MSH4: variants seen among roughly 807,000 people sequenced by gnomAD.
MSH4 encodes mutS protein homolog 4.
MSH4 carries 106 observed loss-of-function variants against 113.7 expected under a neutral mutation model. The ratio of observed to expected loss-of-function variants is 0.93; its 90% CI spans 0.80 to 1.10. The LOEUF is 1.10. MSH4 is among the 50% of genes least tolerant of loss of function. MSH4 has a pLI of 0.00. For missense variants in MSH4, 1,061 were observed against 1,093.7 expected, an observed-to-expected ratio of 0.97 and a Z score of 0.42; for synonymous variants, 368 against 380.2, an observed-to-expected ratio of 0.97 and a Z score of 0.37.
Position 75,880,171 on chromosome 1 carries a change from A to G in MSH4, c.1781+18A>G. ...ACTTATATGTAAGAGCATTTGAAGT[A>G]TTTGAATATTGAATTAAATTGGTTT... On this transcript the variant is annotated intron_variant, in intron 13 of 19. Transcript: ENST00000263187. 1 of 1,291,282 alleles carries G rather than the reference A, an allele frequency of 7.7e-7. No individual in the cohort carries two copies. The highest frequency in any genetic ancestry group is 1.1e-6 in the Non-Finnish European group (1 of 918,922). The allele number at this position is 1,291,282 out of a possible 1,614,324, so 80.0% of individuals were successfully genotyped here. A position where few individuals can be genotyped will look rare whatever the true frequency, so the allele number is the denominator to read the frequency against.
chr1:75,827,363 G>A lies in MSH4; in HGVS notation c.1162+4782G>A, dbSNP rs1048693412. ...CATTAAATATGGAAAGGAAAAACCA[G>A]TACCAGCCACTGTAAAAATACACCA... On this transcript the variant is annotated intron_variant, in intron 7 of 19. Coordinates refer to ENST00000263187, the MANE Select transcript of MSH4 (RefSeq NM_002440.4). Among the ~76,000 whole-genome samples the A allele has an allele frequency of 2.3e-4, 35 of 152,080 alleles. 1 individual carries two copies. Among genetic ancestry groups the A allele is most frequent in the Admixed American group, 3.9e-4 (6 of 15,252 alleles).
chr1:75,888,375 A>G (rs967218870), intron 15 of MSH4, among the ~76,000 whole-genome samples: 1 of 151,948 alleles, frequency 6.6e-6, no homozygotes, highest in Admixed American at 6.6e-5. Context: ...CATTAATCAG[A>G]TTGATTTGTT....
At chr1:75,885,051 G>A (rs1227845329) in intron 15 of MSH4, among the ~76,000 whole-genome samples, 8,332 of 112,454 alleles carry the variant, frequency 0.074, 496 homozygotes, top group East Asian at 0.23. Flanking sequence ...GTGTGTGTGT[G>A]TGTGTGTGTA....
At chr1:75,910,142 T>C (rs1397822109) in intron 19 of MSH4, among the ~76,000 whole-genome samples, 3 of 152,160 alleles carry the variant, frequency 2.0e-5, no homozygotes, top group African/African-American at 7.2e-5. Context: ...TGCAAACTTA[T>C]CAAAAGTAAC....
chr1:75,889,317 C>T lies in MSH4; in HGVS notation c.2174C>T (p.Thr725Ile). ...IAKQIFTRISTDDDIETNSST... is the reference protein window; with the variant it reads ...IAKQIFTRISIDDDIETNSST... ...AAACAGATTTTTACAAGAATTAGTA[C>T]TGATGATGATATCGAAACAAATTCA... Residue 725 changes from threonine (T) to isoleucine (I), a missense_variant, in exon 16 of 20, where the codon ACT (threonine) becomes ATT (isoleucine). Thr to Ile is a moderately conservative substitution (Grantham distance 89). Transcript: ENST00000263187. 1 of 1,540,258 alleles carries T rather than the reference C, an allele frequency of 6.5e-7. No individual in the cohort carries two copies.
intron 7 of MSH4, among the ~76,000 whole-genome samples, chr1:75,832,772 GATGGAACGT>G (rs147022586): frequency 0.27 from 41,358 of 151,464 alleles, 5,742 homozygotes; most frequent in Middle Eastern, 0.36. Flanking sequence ...ACTAGATATT[GATGGAACGT>G]ATCTCAAAAT....
At chr1:75,905,515 T>C (rs1409030771) in intron 19 of MSH4, among the ~76,000 whole-genome samples, 1 of 152,186 alleles carries the variant, frequency 6.6e-6, no homozygotes, top group African/African-American at 2.4e-5. Context: ...GAAGAATTTG[T>C]ATTCTGCAGC....
intron 19 of MSH4, among the ~76,000 whole-genome samples, chr1:75,903,999 G>C (rs895906944): frequency 1.3e-5 from 2 of 152,040 alleles, no homozygotes; most frequent in African/African-American, 2.4e-5. Context: ...TTAGTTGTGG[G>C]TTTGTAATGT....
chr1:75,846,823 A>G (rs543682006), intron 7 of MSH4, among the ~76,000 whole-genome samples: 3 of 152,148 alleles, frequency 2.0e-5, no homozygotes, highest in East Asian at 3.9e-4. Flanking sequence ...ACCCATTCCT[A>G]TTACCCAATT....
intron 9 of MSH4, among the ~76,000 whole-genome samples, chr1:75,874,438 A>T (rs6699682): frequency 6.6e-6 from 1 of 151,868 alleles, no homozygotes; most frequent in Non-Finnish European, 1.5e-5. Context: ...GTAATCCTCC[A>T]ACCTTTCCTG....
At chr1:75,903,139 A>C (rs1292957123) in intron 19 of MSH4, among the ~76,000 whole-genome samples, 1 of 151,746 alleles carries the variant, frequency 6.6e-6, no homozygotes, top group Non-Finnish European at 1.5e-5. Flanking sequence ...ATCCTAAAGC[A>C]TTTCCCAATG....
intron 17 of MSH4, among the ~76,000 whole-genome samples, chr1:75,896,761 A>C (rs1652393622): frequency 6.6e-6 from 1 of 152,158 alleles, no homozygotes; most frequent in Non-Finnish European, 1.5e-5. Context: ...TGCTAAATTG[A>C]ATTAACCTGA....
At chr1:75,847,629 T>C (rs1651102803) in intron 7 of MSH4, among the ~76,000 whole-genome samples, 3 of 152,144 alleles carry the variant, frequency 2.0e-5, no homozygotes, top group Admixed American at 2.0e-4. Context: ...GGCATTGGCA[T>C]CTACTCAGCC....
chr1:75,823,876 T>C (rs1650486309), intron 7 of MSH4, among the ~76,000 whole-genome samples: 1 of 152,216 alleles, frequency 6.6e-6, no homozygotes. Flanking sequence ...CAGTCTATCA[T>C]TGATGGGCAT....
At chr1:75,906,065 A>G (rs1374604144) in intron 19 of MSH4, among the ~76,000 whole-genome samples, 1 of 151,712 alleles carries the variant, frequency 6.6e-6, no homozygotes, top group African/African-American at 2.4e-5. Flanking sequence ...ATCTCAGTTC[A>G]CTGCAACCTC....
In MSH4 at chr1:75,859,456, G is replaced by T. The variant is rs537420015; in HGVS notation, c.1231-8058G>T. ...AAATGTGTCCCAGAGATTCTGGTAC[G>T]TTGTGTCTTTGTTCTCACTGGTTTC... On this transcript the variant is annotated intron_variant, in intron 8 of 19. Coordinates refer to ENST00000263187, the MANE Select transcript of MSH4 (RefSeq NM_002440.4). Among the ~76,000 whole-genome samples the T allele has an allele frequency of 1.8e-3, 274 of 152,292 alleles. 4 individuals are homozygous for T. Among genetic ancestry groups the T allele is most frequent in the Non-Finnish European group, 3.1e-4 (21 of 68,018 alleles).
chr1:75,846,109 C>CCAGAATTAAGGAAGCATT (rs1651071059), intron 7 of MSH4, among the ~76,000 whole-genome samples: 1 of 151,976 alleles, frequency 6.6e-6, no homozygotes, highest in Non-Finnish European at 1.5e-5. Context: ...TTCCAAGGTG[C>CCAGAATTAAGGAAGCATT]TGCAGGGCAG....
At chr1:75,874,328 G>A (rs556480178) in intron 9 of MSH4, among the ~76,000 whole-genome samples, 2 of 152,260 alleles carry the variant, frequency 1.3e-5, no homozygotes, top group African/African-American at 4.8e-5. Flanking sequence ...CAGAAGCATA[G>A]ATGTGGAAGT....
chr1:75,859,357 G>T (rs1251001541), intron 8 of MSH4, among the ~76,000 whole-genome samples: 1 of 152,086 alleles, frequency 6.6e-6, no homozygotes, highest in African/African-American at 2.4e-5. Context: ...TGATGTTAGG[G>T]TTTCAATTTT....
Sources: gnomAD v4.1 joint callset for allele counts (sites outside exome capture counted in the v4.1 genomes callset) on GRCh38, gnomAD v4.1.1 for gene constraint, MANE v1.5 for transcripts, NCBI Gene and HGNC (gene_info 2026-07-23, HGNC 2026-07-21) for gene names.